The following DNAI3 variants were observed in gnomAD, a reference collection of about 807,000 sequenced individuals.
DNAI3 encodes the protein WD repeat domain 63.
A neutral mutation model predicts 115.5 loss-of-function variants in DNAI3; 83 were observed. That is an observed-to-expected ratio of 0.72 (90% confidence interval 0.60 to 0.86). DNAI3 has a LOEUF of 0.86. DNAI3 is among the 40% of genes least tolerant of loss of function. The probability of loss-of-function intolerance (pLI) is 0.00; values close to 1 mark genes in which losing one functional copy is unlikely to be tolerated. For synonymous variants in DNAI3, 320 were observed against 347.0 expected, an observed-to-expected ratio of 0.92 and a Z score of 0.86; for missense variants, 1,004 against 1,075.8, an observed-to-expected ratio of 0.93 and a Z score of 0.93.
chr1:85,071,834 T>C, intron 1 of DNAI3, 94 bp from the exon 2 acceptor site: 1 of 1,232,138 alleles, frequency 8.1e-7, no homozygotes, highest in Non-Finnish European at 1.1e-6. Flanking sequence ...GAAAACATAT[T>C]CTTATGTTTA....
intron 8 of DNAI3, among the ~76,000 whole-genome samples, chr1:85,092,110 A>G (rs969879777): frequency 2.6e-5 from 4 of 152,176 alleles, no homozygotes; most frequent in Admixed American, 6.5e-5. Flanking sequence ...CTCTTGTTAA[A>G]ATGCAGGTTC....
At chr1:85,064,917 C>T (rs1278808775) in intron 1 of DNAI3, among the ~76,000 whole-genome samples, 1 of 152,060 alleles carries the variant, frequency 6.6e-6, no homozygotes, top group African/African-American at 2.4e-5. Flanking sequence ...CCTGTAATCC[C>T]AGCTACTTGG....
At chr1:85,113,823 A>C (rs775953564) in intron 16 of DNAI3, among the ~76,000 whole-genome samples, 1 of 152,132 alleles carries the variant, frequency 6.6e-6, no homozygotes, top group Non-Finnish European at 1.5e-5. Context: ...CCATAAACAC[A>C]GTATATCTGT....
chr1:85,112,189 CT>C (rs1655679135), intron 16 of DNAI3, among the ~76,000 whole-genome samples: 1 of 152,098 alleles, frequency 6.6e-6, no homozygotes, highest in African/African-American at 2.4e-5. Flanking sequence ...GTAGCCAGGA[CT>C]ACAAGCATGC....
At chr1:85,102,522 C>A (rs1046782160) in intron 13 of DNAI3, among the ~76,000 whole-genome samples, 2 of 151,984 alleles carry the variant, frequency 1.3e-5, no homozygotes, top group African/African-American at 2.4e-5. Flanking sequence ...AGTAAGGCAA[C>A]AATAATGTGC....
chr1:85,065,129 G>A (rs1378889092), intron 1 of DNAI3, among the ~76,000 whole-genome samples: 1 of 152,126 alleles, frequency 6.6e-6, no homozygotes, highest in African/African-American at 2.4e-5. Flanking sequence ...CCACCTAGAT[G>A]AGGTCAGCTA....
rs1348558716 is a variant in DNAI3 at position 85,108,088 on chromosome 1, G to A, written c.1609G>A (p.Glu537Lys). 5.6e-6 allele frequency: 9 copies of A among 1,609,854 alleles called. No homozygotes were observed. The highest frequency in any genetic ancestry group is 1.3e-5 in the African/African-American group (1 of 74,918). The change falls in exon 15 of 23, where the codon GAG becomes AAG. Residue 537 changes from glutamate to lysine, a missense_variant. This residue lies in a region of DNAI3 where 429 missense variants were observed against 454.3 expected (regional missense o/e 0.94). Transcript: ENST00000294664. ...PQKPLTPQTT[E>K]KKKEESIEIP... The stretch of plus-strand genomic sequence containing the variant: ...GAAACCTTTAACCCCCCAAACAACA[G>A]AGAAAAAGAAGGAGGAAAGTATTGA...
chr1:85,119,178 A>T (rs373835100), intron 17 of DNAI3, among the ~76,000 whole-genome samples: 1 of 152,230 alleles, frequency 6.6e-6, no homozygotes, highest in African/African-American at 2.4e-5. Flanking sequence ...CCATTTTTAA[A>T]TGTACAATTC....
At chr1:85,072,122 T>G (rs1557705811) in intron 2 of DNAI3, 117 bp downstream of exon 2, 4 of 999,246 alleles carry the variant, frequency 4.0e-6, no homozygotes, top group Non-Finnish European at 5.9e-6. Context: ...TGACATAAAG[T>G]CAAATGTATG....
chr1:85,094,596 T>C, intron 10 of DNAI3, 41 bp downstream of exon 10: 1 of 1,606,228 alleles, frequency 6.2e-7, no homozygotes. Context: ...AATTTTCAAA[T>C]ACTACTTTCA....
At chr1:85,129,953 T>C in intron 21 of DNAI3, 37 bp from the exon 22 acceptor site, 2 of 1,590,494 alleles carry the variant, frequency 1.3e-6, no homozygotes, top group South Asian at 2.3e-5. Context: ...GGGGGCTTCC[T>C]GCCTGTCACC....
chr1:85,119,784 A>T (rs983826193), intron 17 of DNAI3, among the ~76,000 whole-genome samples: 2 of 149,164 alleles, frequency 1.3e-5, no homozygotes, highest in African/African-American at 5.0e-5. Context: ...TGCAACCTCC[A>T]CCTCCCAGGT....
rs1655430614 is a variant in DNAI3 at position 85,104,597 on chromosome 1, G to C, written c.1553G>C (p.Cys518Ser). 1 of 1,613,002 alleles carries C rather than the reference G, an allele frequency of 6.2e-7. No individual in the cohort carries two copies. The highest frequency in any genetic ancestry group is 2.2e-5 in the East Asian group (1 of 44,814). Residue 518 changes from cysteine (C) to serine (S), a missense_variant and splice_region_variant, in exon 14 of 23, where the codon TGC (cysteine) becomes TCC (serine). By Grantham distance (112) the Cys-to-Ser change is moderately radical (BLOSUM62 -1). This residue lies in a region of DNAI3 where 429 missense variants were observed against 454.3 expected (regional missense o/e 0.94). Coordinates refer to ENST00000294664, the MANE Select transcript of DNAI3 (RefSeq NM_145172.5). The part of the protein sequence containing the change: ...CCQLVTCSAD[C>S]TICFWDIRPQ... ...CAACTTGTCACATGTTCAGCAGATT[G>C]GTAAGTCTTGTTTCAAACATTTCCT...
At chr1:85,067,194 T>C (rs576038145) in intron 1 of DNAI3, among the ~76,000 whole-genome samples, 1 of 152,332 alleles carries the variant, frequency 6.6e-6, no homozygotes, top group African/African-American at 2.4e-5. Context: ...GATATTATGC[T>C]TTTTAGTGAA....
intron 14 of DNAI3, among the ~76,000 whole-genome samples, chr1:85,105,481 T>C (rs1174577989): frequency 3.4e-5 from 5 of 146,006 alleles, no homozygotes; most frequent in Admixed American, 1.4e-4. Context: ...AGGTGCGAGA[T>C]TGCGCCATTG....
intron 9 of DNAI3, chr1:85,093,998 A>T: frequency 2.2e-6 from 1 of 455,956 alleles, no homozygotes; most frequent in Admixed American, 2.6e-5. Flanking sequence ...TGCCTTTCTG[A>T]TTACTAGACA....
At chr1:85,062,661 C>G (rs1239735280) in intron 1 of DNAI3, among the ~76,000 whole-genome samples, 175 bp downstream of exon 1, 2 of 152,152 alleles carry the variant, frequency 1.3e-5, no homozygotes. Context: ...GTGAGGGAAA[C>G]AAAAATAGCA....
chr1:85,128,697 A>G lies in DNAI3; in HGVS notation c.2318-11A>G. ...CTGATTTTTTCCTCCCATTTATTTT[A>G]AAATTTTCAGCTAAACAGCAATTTA... On this transcript the variant is annotated splice_polypyrimidine_tract_variant and intron_variant, in intron 20 of 22. Coordinates refer to ENST00000294664, the MANE Select transcript of DNAI3 (RefSeq NM_145172.5). The G allele has an allele frequency of 6.3e-7, 1 of 1,599,240 alleles. No individual in the cohort carries two copies. Among genetic ancestry groups the G allele is most frequent in the Non-Finnish European group, 8.5e-7 (1 of 1,174,962 alleles).
At chr1:85,084,470 C>CAA (rs1373616950) in intron 5 of DNAI3, 76 bp from the exon 6 acceptor site, 56 of 936,666 alleles carry the variant, frequency 6.0e-5, no homozygotes, top group Middle Eastern at 4.1e-4. Flanking sequence ...AAGTTTGTTG[C>CAA]AAAATATATA....
Sources: gnomAD v4.1 joint callset for allele counts (sites outside exome capture counted in the v4.1 genomes callset) on GRCh38, gnomAD v4.1.1 for gene constraint, gnomAD v4.1.1 regional missense constraint, MANE v1.5 for transcripts, NCBI Gene and HGNC (gene_info 2026-07-23, HGNC 2026-07-21) for gene names.